MICAL3: variants seen among roughly 807,000 people sequenced by gnomAD.
MICAL3 encodes [F-actin]-monooxygenase MICAL3.
Under a neutral mutation model 207.4 loss-of-function variants are expected in MICAL3, and 62 were observed. The observed-to-expected ratio is 0.30, with a 90% CI of 0.24 to 0.37. The LOEUF (loss-of-function observed/expected upper bound fraction) is 0.37, where lower values mean the gene tolerates loss of function less well. Among genes scored for constraint, MICAL3 ranks in the 10% least tolerant of loss-of-function variants. The pLI, the probability that MICAL3 is intolerant of heterozygous loss-of-function variation, is 1.00. For missense variants in MICAL3, 2,368 were observed against 2,635.6 expected (o/e 0.90, Z 2.22); for synonymous variants, 1,077 against 1,069.3 (o/e 1.01, Z -0.14).
chr22:17,808,734 C>A, intron 29 of MICAL3, 110 bp downstream of exon 29: 1 of 863,904 alleles, frequency 1.2e-6, no homozygotes, highest in Non-Finnish European at 1.8e-6. Context: ...CCCAGAAAAT[C>A]CTGCTGGAAA....
chr22:17,819,428 G>A (rs1367706237), intron 25 of MICAL3, among the ~76,000 whole-genome samples: 1 of 152,134 alleles, frequency 6.6e-6, no homozygotes, highest in East Asian at 1.9e-4. Context: ...TGGCCAAAAG[G>A]ACATAGAGGA....
chr22:17,791,431 C>A, intron 29 of MICAL3, 130 bp from the exon 30 acceptor site: 4 of 779,418 alleles, frequency 5.1e-6, no homozygotes, highest in Non-Finnish European at 8.5e-6. Flanking sequence ...CAAGCCAGGC[C>A]CAAGGTTTGC....
At chr22:17,966,046 T>C (rs1440545120) in intron 1 of MICAL3, among the ~76,000 whole-genome samples, 2 of 152,146 alleles carry the variant, frequency 1.3e-5, no homozygotes, top group African/African-American at 4.8e-5. Context: ...ACACATGAAC[T>C]AGAGAGGAGT....
At chr22:17,965,611 T>C (rs1286791697) in intron 1 of MICAL3, among the ~76,000 whole-genome samples, 1 of 152,172 alleles carries the variant, frequency 6.6e-6, no homozygotes, top group Admixed American at 6.5e-5. Context: ...CCTCATGTGA[T>C]AGACAAGAAA....
chr22:17,866,366 G>GA (rs1927114299), intron 17 of MICAL3, among the ~76,000 whole-genome samples: 2 of 152,350 alleles, frequency 1.3e-5, no homozygotes, highest in African/African-American at 4.8e-5. Flanking sequence ...GAAACGCTGG[G>GA]AGTAGCATTG....
chr22:17,831,326 G>C (rs958931408), intron 21 of MICAL3, among the ~76,000 whole-genome samples: 2 of 152,140 alleles, frequency 1.3e-5, no homozygotes, highest in African/African-American at 4.8e-5. Flanking sequence ...CAAGGCAAGA[G>C]ACTATTTCAG....
chr22:17,856,559 C>A lies in MICAL3; in HGVS notation c.2605+8340G>T, dbSNP rs549706128. ...GAACTGGCCAAAAGGAAGGCAGCAG[C>A]TGGTTCAGAGTAATTCACGTTAGAT... On this transcript the variant is annotated intron_variant, in intron 19 of 31. Transcript: ENST00000441493. 5.4e-4 allele frequency among the ~76,000 whole-genome samples: 82 copies of A among 151,306 alleles called. 1 individual carries two copies. Among genetic ancestry groups the A allele is most frequent in the African/African-American group, 1.9e-3 (80 of 41,234 alleles).
intron 10 of MICAL3, among the ~76,000 whole-genome samples, chr22:17,895,023 A>C (rs961827332): frequency 7.2e-5 from 11 of 152,172 alleles, no homozygotes; most frequent in African/African-American, 2.7e-4. Flanking sequence ...TAAGAATTTG[A>C]ATTAGAAGAC....
chr22:17,796,192 G>A lies in MICAL3; in HGVS notation c.5651-4891C>T, dbSNP rs982012816. On this transcript the variant is annotated intron_variant, in intron 29 of 31. Coordinates refer to ENST00000441493, the MANE Select transcript of MICAL3 (RefSeq NM_015241.3). The surrounding 1 kb of genome is among the most constrained non-coding windows in gnomAD (Gnocchi z 4.4). ...CCTCCTCCCTGGAGCACTCTGCTGC[G>A]TCTCCAACACTCGGGGGCACATCTG... Among the ~76,000 whole-genome samples the A allele has an allele frequency of 5.3e-5, 8 of 152,190 alleles. No individual in the cohort carries two copies. In the East Asian group the frequency reaches 5.8e-4, roughly 11 times the overall value.
In MICAL3 at chr22:17,877,225, GGGAGGTTAT is replaced by G. The variant is rs199821231; in HGVS notation, c.2242-5211_2242-5203del. Among the ~76,000 whole-genome samples the G allele has an allele frequency of 3.3e-5, 2 of 60,340 alleles. 1 individual carries two copies. Among genetic ancestry groups the G allele is most frequent in the Non-Finnish European group, 6.0e-5 (2 of 33,458 alleles). 39.6% of individuals were successfully genotyped at this position (60,340 alleles called of 152,430 possible). A position where few individuals can be genotyped will look rare whatever the true frequency, so the allele number is the denominator to read the frequency against. On this transcript the variant is annotated intron_variant, in intron 16 of 31. Transcript: ENST00000441493. Reference sequence around the variant, plus strand: ...GAGGTTATGGAGGTTATGGAGGTTAGGGAGGTTATGGAGGTTAGGGAGGTTAGGGAGGTT... The same window carrying G: ...GAGGTTATGGAGGTTATGGAGGTTAGGGAGGTTAGGGAGGTTAGGGAGGTT...
intron 1 of MICAL3, among the ~76,000 whole-genome samples, chr22:17,926,102 A>C (rs964068291): frequency 6.6e-6 from 1 of 152,196 alleles, no homozygotes; most frequent in African/African-American, 2.4e-5. Flanking sequence ...CAAAGCTCTC[A>C]ATTTTTCTTC....
At chr22:17,812,539 C>T (rs544553864) in intron 27 of MICAL3, 312 of 985,672 alleles carry the variant, frequency 3.2e-4, no homozygotes, top group Non-Finnish European at 3.4e-4. Flanking sequence ...AATGCCAAGG[C>T]GTGTGGTACA....
intron 8 of MICAL3, 99 bp from the exon 9 acceptor site, chr22:17,896,460 T>C: frequency 1.2e-6 from 1 of 817,896 alleles, no homozygotes; most frequent in Non-Finnish European, 2.0e-6. Flanking sequence ...GACAGTAGTG[T>C]TTGGCAACTG....
chr22:17,987,485 G>C (rs1921157829), intron 1 of MICAL3, among the ~76,000 whole-genome samples: 1 of 152,220 alleles, frequency 6.6e-6, no homozygotes, highest in Non-Finnish European at 1.5e-5. Context: ...TCTCCCTCTA[G>C]GCCACTGCTG....
At chr22:17,840,491 G>T (rs1276530945) in intron 20 of MICAL3, 1 of 152,136 alleles carries the variant, frequency 6.6e-6, no homozygotes, top group African/African-American at 2.4e-5. Context: ...TTTCTGTGCT[G>T]CCCTCCTGTC....
intron 1 of MICAL3, among the ~76,000 whole-genome samples, chr22:17,969,918 G>A (rs1166867986): frequency 6.6e-6 from 1 of 152,216 alleles, no homozygotes; most frequent in Non-Finnish European, 1.5e-5. Flanking sequence ...GAGTGTGAGG[G>A]CCTCATGAGG....
chr22:17,861,606 TGG>T, intron 19 of MICAL3: 1 of 985,412 alleles, frequency 1.0e-6, no homozygotes, highest in Admixed American at 6.1e-5. Context: ...TAATCCCTTT[TGG>T]GGATTTCCTT....
chr22:17,885,777 G>T, intron 16 of MICAL3, 101 bp downstream of exon 16: 4 of 1,258,030 alleles, frequency 3.2e-6, no homozygotes, highest in Non-Finnish European at 4.6e-6. Context: ...GCCCACGAAC[G>T]CTGGGGTCTG....
At chr22:17,916,224 C>G (rs1286927448) in intron 1 of MICAL3, among the ~76,000 whole-genome samples, 2 of 152,060 alleles carry the variant, frequency 1.3e-5, no homozygotes, top group African/African-American at 4.8e-5. Context: ...TCTGCCTTCC[C>G]TCCAATGATA....
Sources: gnomAD v4.1 joint callset for allele counts (sites outside exome capture counted in the v4.1 genomes callset) on GRCh38, gnomAD v4.1.1 for gene constraint, Gnocchi (gnomAD v3.1) non-coding constraint, MANE v1.5 for transcripts, NCBI Gene and HGNC (gene_info 2026-07-23, HGNC 2026-07-21) for gene names.